Variants in INCENP observed in about 807,000 individuals in gnomAD.
INCENP encodes inner centromere protein.
Under a neutral mutation model 107.3 loss-of-function variants are expected in INCENP, and 43 were observed. That is an observed-to-expected ratio of 0.40 (90% CI 0.31 to 0.52). INCENP has a LOEUF of 0.52. Among genes scored for constraint, INCENP ranks in the 20% least tolerant of loss-of-function variants. The probability of loss-of-function intolerance (pLI) is 0.53; values close to 1 mark genes in which losing one functional copy is unlikely to be tolerated. For missense variants in INCENP, 1,089 were observed against 1,250.9 expected (o/e 0.87, Z 1.95); for synonymous variants, 488 against 494.4 (o/e 0.99, Z 0.17).
rs1326560001 is a variant in INCENP at position 62,145,620 on chromosome 11, G to A, written c.1837-9G>A. 1.3e-6 allele frequency: 2 copies of A among 1,592,212 alleles called. No homozygotes were observed. The highest frequency in any genetic ancestry group is 2.3e-5 in the East Asian group (1 of 43,984). ...TGCTCCAATGGGCATGTGTGGGTGG[G>A]CTCTGCAGGCCAAGGAGGAGCGGCT... On this transcript the variant is annotated splice_polypyrimidine_tract_variant and intron_variant, in intron 13 of 18. Coordinates refer to ENST00000394818, the MANE Select transcript of INCENP (RefSeq NM_001040694.2).
In INCENP at chr11:62,146,767, A is replaced by T; in HGVS notation, c.2069A>T (p.Gln690Leu). Residue 690 changes from glutamine to leucine, a missense_variant, in exon 15 of 19, where the codon CAG (glutamine) becomes CTG (leucine). Physicochemically the swap from Gln to Leu is moderately radical, Grantham distance 113 (BLOSUM62 -2). Coordinates refer to ENST00000394818, the MANE Select transcript of INCENP (RefSeq NM_001040694.2). Reference protein sequence around the residue: ...EAKRLAEQREQERREQERREQ... With the variant: ...EAKRLAEQRELERREQERREQ... ...AAGCGGCTGGCAGAGCAGCGGGAGC[A>T]GGAGCGGCGGGAGCAGGAGCGGCGC... The T allele has an allele frequency of 6.5e-7, 1 of 1,540,062 alleles. No individual in the cohort carries two copies. The highest frequency in any genetic ancestry group is 8.8e-7 in the Non-Finnish European group (1 of 1,140,934).
chr11:62,142,361 A>T (rs919573636), intron 11 of INCENP, among the ~76,000 whole-genome samples: 1 of 152,168 alleles, frequency 6.6e-6, no homozygotes, highest in Non-Finnish European at 1.5e-5. Flanking sequence ...CTCTTGTTGG[A>T]GAGGGTGACT....
chr11:62,124,574 G>A (rs144532144), intron 1 of INCENP, among the ~76,000 whole-genome samples: 27 of 152,314 alleles, frequency 1.8e-4, no homozygotes, highest in African/African-American at 6.5e-4. Flanking sequence ...ATTTTAAACT[G>A]ACCATTTCCG....
In INCENP at chr11:62,129,840, G is replaced by A. The variant is rs1565090836; in HGVS notation, c.313G>A (p.Asp105Asn). 1.2e-6 allele frequency: 2 copies of A among 1,612,608 alleles called. No homozygotes were observed. Among genetic ancestry groups the A allele is most frequent in the Non-Finnish European group, 8.5e-7 (1 of 1,180,030 alleles). The change falls in exon 4 of 19, where the codon GAC becomes AAC. Residue 105 changes from aspartate to asparagine, a missense_variant. By Grantham distance (23) the Asp-to-Asn change is conservative. Coordinates refer to ENST00000394818, the MANE Select transcript of INCENP (RefSeq NM_001040694.2). ...GAGCTCCCGACGCCTCCGCAGCAAG[G>A]ACAGTGTAGAGAAGCTGGCTACAGT... ...QLSSRRLRSK[D>N]SVEKLATVVG...
rs771181833 is a variant in INCENP at position 62,128,216 on chromosome 11, C to T, written c.55C>T (p.Leu19Phe). Residue 19 changes from leucine (L) to phenylalanine (F), a missense_variant, in exon 2 of 19, where the codon CTC becomes TTC. By Grantham distance (22) the Leu-to-Phe change is conservative. Coordinates refer to ENST00000394818, the MANE Select transcript of INCENP (RefSeq NM_001040694.2). ...IHLLELCDQKLMEFLCNMDNK... is the reference protein window; with the variant it reads ...IHLLELCDQKFMEFLCNMDNK... ...CCTGCTGGAGCTATGTGACCAGAAG[C>T]TCATGGAGTTTCTCTGCAACATGGA... The T allele has an allele frequency of 1.9e-6, 3 of 1,614,088 alleles. No homozygotes were observed. Among genetic ancestry groups the T allele is most frequent in the Admixed American group, 3.3e-5 (2 of 60,012 alleles).
chr11:62,137,983 C>G, intron 5 of INCENP, 100 bp downstream of exon 5: 1 of 1,104,188 alleles, frequency 9.1e-7, no homozygotes, highest in Non-Finnish European at 1.4e-6. Context: ...CTGAGTCTTC[C>G]CCACTGAGCC....
At chr11:62,150,311 C>T (rs969809482) in intron 18 of INCENP, 104 bp downstream of exon 18, 10 of 1,259,472 alleles carry the variant, frequency 7.9e-6, no homozygotes, top group South Asian at 1.4e-5. Flanking sequence ...GGGAGGCTGC[C>T]GTGTGCTTCA....
At chr11:62,133,516 G>A (rs964840776) in intron 4 of INCENP, among the ~76,000 whole-genome samples, 2 of 152,202 alleles carry the variant, frequency 1.3e-5, no homozygotes, top group African/African-American at 4.8e-5. Context: ...ACCTTGGGGC[G>A]TTCGAGCCAC....
Position 62,128,201 on chromosome 11 carries a change from C to T in INCENP, c.40C>T (p.Leu14=). ...CCCAGGGCCCATTCACCTGCTGGAG[C>T]TATGTGACCAGAAGCTCATGGAGTT... The part of the protein sequence containing the change: ...TAPGPIHLLE[L]CDQKLMEFLC... The change falls in exon 2 of 19, where the codon CTA becomes TTA. Residue 14 remains leucine, a synonymous_variant. Transcript: ENST00000394818. 1 of 1,614,202 alleles carries T rather than the reference C, an allele frequency of 6.2e-7. No individual in the cohort carries two copies. Among genetic ancestry groups the T allele is most frequent in the Non-Finnish European group, 8.5e-7 (1 of 1,180,018 alleles).
chr11:62,146,464 T>C (rs1944244549), intron 14 of INCENP, among the ~76,000 whole-genome samples, 194 bp from the exon 15 acceptor site: 1 of 152,240 alleles, frequency 6.6e-6, no homozygotes, highest in Non-Finnish European at 1.5e-5. Flanking sequence ...GCAGCAGCTG[T>C]CACAAGATGC....
rs779569395 is a variant in INCENP at position 62,145,001 on chromosome 11, T to C, written c.1625T>C (p.Leu542Pro). The C allele has an allele frequency of 3.7e-6, 6 of 1,603,880 alleles. No homozygotes were observed. Among genetic ancestry groups the C allele is most frequent in the Non-Finnish European group, 5.1e-6 (6 of 1,176,842 alleles). The change falls in exon 12 of 19, where the codon CTG becomes CCG. Residue 542 changes from leucine to proline, a missense_variant. By Grantham distance (98) the Leu-to-Pro change is moderately conservative (BLOSUM62 -3). Coordinates refer to ENST00000394818, the MANE Select transcript of INCENP (RefSeq NM_001040694.2). ...CCCCAGGAGAAGGAGCGGCAGCGCC[T>C]GGAGAATCTGCGGCGGAAGGAGGAG... is the stretch of plus-strand genomic sequence containing the variant. ...CSFVEKERQRLENLRRKEEAE... is the reference protein window; with the variant it reads ...CSFVEKERQRPENLRRKEEAE...
At chr11:62,148,114 T>C (rs1792880) in intron 15 of INCENP, among the ~76,000 whole-genome samples, 3,318 of 152,266 alleles carry the variant, frequency 0.022, 127 homozygotes, top group African/African-American at 0.076. Flanking sequence ...GTGTCTGCCC[T>C]GAAGGTTAGG....
chr11:62,138,851 C>T (rs1242337124), intron 6 of INCENP, 37 bp from the exon 7 acceptor site: 6 of 1,603,946 alleles, frequency 3.7e-6, no homozygotes, highest in Admixed American at 3.3e-5. Flanking sequence ...CCTTGGGTTC[C>T]AGGTCAAGAC....
At chr11:62,145,118 G>A (rs759581513) in intron 12 of INCENP, 27 bp downstream of exon 12, 6 of 1,614,008 alleles carry the variant, frequency 3.7e-6, no homozygotes, top group Admixed American at 1.7e-5. Context: ...CCTGGACTGT[G>A]GCCCATCCCA....
In INCENP at chr11:62,146,793, GAGCAGGAGCGGCGC is replaced by G. The variant is rs1565101647; in HGVS notation, c.2096_2109del (p.Glu699GlyfsTer66). ...GGAGCGGCGGGAGCAGGAGCGGCGC[GAGCAGGAGCGGCGC>G]GAGCAGGAGCGGCGGGAGCAGGAGC... On this transcript the variant is annotated frameshift_variant, in exon 15 of 19. Transcript: ENST00000394818. LOFTEE classifies it high-confidence loss of function. 1 of 1,533,004 alleles carries G rather than the reference GAGCAGGAGCGGCGC, an allele frequency of 6.5e-7. No individual in the cohort carries two copies. The highest frequency in any genetic ancestry group is 1.4e-5 in the African/African-American group (1 of 70,862). The allele number at this position is 1,533,004 out of a possible 1,614,324, so 95.0% of individuals were successfully genotyped here. A position where few individuals can be genotyped will look rare whatever the true frequency, so the allele number is the denominator to read the frequency against.
At chr11:62,131,395 G>C (rs1035953290) in intron 4 of INCENP, among the ~76,000 whole-genome samples, 4 of 152,220 alleles carry the variant, frequency 2.6e-5, no homozygotes, top group African/African-American at 9.6e-5. Context: ...AATGTTAGCT[G>C]CTCTCTCAGA....
chr11:62,132,035 C>T (rs915436547), intron 4 of INCENP, among the ~76,000 whole-genome samples: 3 of 152,140 alleles, frequency 2.0e-5, no homozygotes, highest in African/African-American at 4.8e-5. Flanking sequence ...GTGATTCACC[C>T]GCCTTAGCCT....
intron 11 of INCENP, among the ~76,000 whole-genome samples, chr11:62,142,392 C>G (rs1240534669): frequency 1.3e-5 from 2 of 152,232 alleles, no homozygotes; most frequent in Non-Finnish European, 2.9e-5. Context: ...CTTCCAGTGG[C>G]CTTACCACCT....
At chr11:62,135,934 C>T (rs12798596) in intron 4 of INCENP, among the ~76,000 whole-genome samples, 38,720 of 151,978 alleles carry the variant, frequency 0.25, 5,323 homozygotes, top group South Asian at 0.4. Flanking sequence ...CTCAGCCTCC[C>T]GAGTAGCTGG....
Sources: allele counts gnomAD v4.1 joint callset (sites outside exome capture counted in the v4.1 genomes callset), GRCh38; gene constraint gnomAD v4.1.1; transcripts MANE v1.5; gene names NCBI Gene and HGNC (gene_info 2026-07-23, HGNC 2026-07-21).